Variants in UBQLN3 observed in about 807,000 individuals in gnomAD.
The protein encoded by UBQLN3 is ubiquilin 3, also known as ubiquilin-3.
Under a neutral mutation model 2.9 loss-of-function variants are expected in UBQLN3, and 1 was observed. The observed-to-expected ratio is 0.35, with a 90% CI of 0.12 to 1.66. The LOEUF (loss-of-function observed/expected upper bound fraction) is 1.66. Ranked by LOEUF, UBQLN3 falls within the 40% of genes most tolerant of loss-of-function variation. The pLI is 0.35. For synonymous variants in UBQLN3, 358 were observed against 317.6 expected (o/e 1.13, Z -1.35); for missense variants, 924 against 816.5 (o/e 1.13, Z -1.61).
chr11:5,508,335 G>A lies in UBQLN3; in HGVS notation c.1224C>T (p.Ser408=), dbSNP rs899803218. 4 of 1,608,990 alleles carry A rather than the reference G, an allele frequency of 2.5e-6. No individual in the cohort carries two copies. In the African/African-American group the frequency reaches 4.0e-5, roughly 16 times the overall value. ...EESVAIKGRS[S]CPAFLRYPTE... ...TGGGGTATCTCAGGAAAGCTGGGCA[G>A]GAGGACCTTCCCTTGATTGCTACTG... is the stretch of plus-strand genomic sequence containing the variant. Residue 408 remains serine, a synonymous_variant, in exon 2 of 2, where the codon TCC becomes TCT. Coordinates refer to ENST00000311659, the MANE Select transcript of UBQLN3 (RefSeq NM_017481.4). The surrounding 1 kb of genome is among the most constrained non-coding windows in gnomAD (Gnocchi z 4.2).
rs973169085 is a variant in UBQLN3 at position 5,507,336 on chromosome 11, T to C, written c.*255A>G. ...AATTGGGTGTAATTGCATCTCAAGA[T>C]AGGCATAAGCAGAGCTTAGACTGGG... On this transcript the variant is annotated 3_prime_UTR_variant, in exon 2 of 2. Coordinates refer to ENST00000311659, the MANE Select transcript of UBQLN3 (RefSeq NM_017481.4). 9.1e-6 allele frequency: 4 copies of C among 439,626 alleles called. No individual in the cohort carries two copies. Among genetic ancestry groups the C allele is most frequent in the African/African-American group, 6.0e-5 (3 of 49,902 alleles). The allele number at this position is 439,626 out of a possible 1,614,324, so 27.2% of individuals were successfully genotyped here.
rs990729069 is a variant in UBQLN3, at chr11:5,507,306, T to G, written c.*285A>C. ...AATGAGACTCAGGCAAGAGTTCACA[T>G]TGGAAATTGGGTGTAATTGCATCTC... On this transcript the variant is annotated 3_prime_UTR_variant, in exon 2 of 2. Transcript: ENST00000311659. 1.6e-5 allele frequency: 5 copies of G among 320,620 alleles called. No homozygotes were observed. Among genetic ancestry groups the G allele is most frequent in the East Asian group, 5.9e-5 (1 of 17,010 alleles). 19.9% of individuals were successfully genotyped at this position (320,620 alleles called of 1,614,324 possible). A position where few individuals can be genotyped will look rare whatever the true frequency, so the allele number is the denominator to read the frequency against.
chr11:5,507,932 G>C lies in UBQLN3; in HGVS notation c.1627C>G (p.Leu543Val). 1 of 1,613,962 alleles carries C rather than the reference G, an allele frequency of 6.2e-7. No individual in the cohort carries two copies. The highest frequency in any genetic ancestry group is 8.5e-7 in the Non-Finnish European group (1 of 1,180,028). Residue 543 changes from leucine (L) to valine (V), a missense_variant, in exon 2 of 2, where the codon CTC (leucine) becomes GTC (valine). By Grantham distance (32) the Leu-to-Val change is conservative (BLOSUM62 1). Transcript: ENST00000311659. ...CCTGCTAGGCAAGGCATGAACCAGAGTAGGAGGCGAGGTGCTTCAGTAGCT... is the reference window on the plus strand; with the variant it reads ...CCTGCTAGGCAAGGCATGAACCAGACTAGGAGGCGAGGTGCTTCAGTAGCT... ...VLATEAPRLL[L>V]WFMPCLAGTG...
Position 5,507,651 on chromosome 11 carries a change from C to G in UBQLN3, c.1908G>C (p.Gln636His). ...MGFLNREANL[Q>H]ALIATGGDVD... Reference sequence around the variant, plus strand: ...CGTCGCCCCCCGTAGCAATGAGGGCCTGAAGATTGGCTTCACGATTCAGAA... The same window carrying G: ...CGTCGCCCCCCGTAGCAATGAGGGCGTGAAGATTGGCTTCACGATTCAGAA... The change falls in exon 2 of 2, where the codon CAG becomes CAC. Residue 636 changes from glutamine (Q) to histidine (H), a missense_variant. Transcript: ENST00000311659. 6.2e-7 allele frequency: 1 copy of G among 1,614,088 alleles called. No individual in the cohort carries two copies. The highest frequency in any genetic ancestry group is 1.3e-5 in the African/African-American group (1 of 75,050).
chr11:5,509,703 G>T lies in UBQLN3; in HGVS notation c.-36-109C>A, dbSNP rs554731547. ...ATATCAGGATAGGGAAATCTGCAGG[G>T]TCTACATGAAAGGGGCCATGAGGTT... On this transcript the variant is annotated intron_variant, in intron 1 of 1. Transcript: ENST00000311659. 1.5e-4 allele frequency: 206 copies of T among 1,363,824 alleles called. 1 individual carries two copies. The South Asian group carries it at 3.0e-3, about 20-fold the overall frequency. The allele number at this position is 1,363,824 out of a possible 1,614,324, so 84.5% of individuals were successfully genotyped here. A position where few individuals can be genotyped will look rare whatever the true frequency, so the allele number is the denominator to read the frequency against.
chr11:5,509,506 T>C lies in UBQLN3; in HGVS notation c.53A>G (p.Asp18Gly), dbSNP rs146697417. The change falls in exon 2 of 2, where the codon GAT (aspartate) becomes GGT (glycine). Residue 18 changes from aspartate to glycine, a missense_variant. Coordinates refer to ENST00000311659, the MANE Select transcript of UBQLN3 (RefSeq NM_017481.4). ...LPQGSPAPVQ[D>G]PHLIKVTVKT... The stretch of plus-strand genomic sequence containing the variant: ...CACTGTCACCTTGATGAGGTGGGGA[T>C]CCTGGACTGGTGCTGGGCTGCCCTG... 1.2e-6 allele frequency: 2 copies of C among 1,614,242 alleles called. No homozygotes were observed. Among genetic ancestry groups the C allele is most frequent in the African/African-American group, 2.7e-5 (2 of 75,074 alleles).
chr11:5,509,592 C>A lies in UBQLN3; in HGVS notation c.-34G>T, dbSNP rs377195213. 5 of 1,588,690 alleles carry A rather than the reference C, an allele frequency of 3.1e-6. No homozygotes were observed. Among genetic ancestry groups the A allele is most frequent in the Non-Finnish European group, 4.3e-6 (5 of 1,169,258 alleles). Reference sequence around the variant, plus strand: ...CAGGAGGCCCAGATCTGTGGGGACACAGCTAGGGGCATGGGGATTGGAGAC... The same window carrying A: ...CAGGAGGCCCAGATCTGTGGGGACAAAGCTAGGGGCATGGGGATTGGAGAC... On this transcript the variant is annotated splice_region_variant and 5_prime_UTR_variant, in exon 2 of 2. Transcript: ENST00000311659.
At chr11:5,509,685 G>T (rs1846445179) in intron 1 of UBQLN3, 91 bp from the exon 2 acceptor site, 1 of 1,425,628 alleles carries the variant, frequency 7.0e-7, no homozygotes, top group Non-Finnish European at 9.2e-7. Flanking sequence ...TGAATATCAG[G>T]ATAGGGAAAT....
Position 5,507,526 on chromosome 11 carries a change from G to T in UBQLN3, c.*65C>A, listed in dbSNP as rs1469010347. On this transcript the variant is annotated 3_prime_UTR_variant, in exon 2 of 2. Transcript: ENST00000311659. ...TGCAGCTGTATTCAAAAATGGGAGA[G>T]CTAGGGAACTAGGATATGGGAAAAA... 6.6e-7 allele frequency: 1 copy of T among 1,518,792 alleles called. No individual in the cohort carries two copies. The highest frequency in any genetic ancestry group is 1.4e-5 in the African/African-American group (1 of 71,800). 94.1% of individuals were successfully genotyped at this position (1,518,792 alleles called of 1,614,324 possible).
Position 5,508,482 on chromosome 11 carries a change from A to G in UBQLN3, c.1077T>C (p.Tyr359=). 3 of 1,613,694 alleles carry G rather than the reference A, an allele frequency of 1.9e-6. No individual in the cohort carries two copies. The highest frequency in any genetic ancestry group is 2.2e-5 in the East Asian group (1 of 44,862). ...TGAGGGCAGATGCAGTCCCCTGTAG[A>G]TAAGTTCCTAGGGACTGGGGGTTCT... is the stretch of plus-strand genomic sequence containing the variant. ...LHENPQSLGT[Y]LQGTASALSQ... is the part of the protein sequence containing the mutation. Residue 359 remains tyrosine (Y), a synonymous_variant, in exon 2 of 2, where the codon TAT becomes TAC. Transcript: ENST00000311659. The surrounding 1 kb of genome is among the most constrained non-coding windows in gnomAD (Gnocchi z 4.2).
rs2234455 is a variant in UBQLN3 at position 5,507,922 on chromosome 11, A to G, written c.1637T>C (p.Met546Thr). The change falls in exon 2 of 2, where the codon ATG becomes ACG. Residue 546 changes from methionine to threonine, a missense_variant. Coordinates refer to ENST00000311659, the MANE Select transcript of UBQLN3 (RefSeq NM_017481.4). ...ACTACCCGTCCCTGCTAGGCAAGGCATGAACCAGAGTAGGAGGCGAGGTGC... is the reference window on the plus strand; with the variant it reads ...ACTACCCGTCCCTGCTAGGCAAGGCGTGAACCAGAGTAGGAGGCGAGGTGC... ...TEAPRLLLWF[M>T]PCLAGTGSVA... 291,831 of 1,613,842 alleles carry G rather than the reference A, an allele frequency of 0.18. 28,418 individuals are homozygous for G. Among genetic ancestry groups the G allele is most frequent in the Admixed American group, 0.29 (17,138 of 60,010 alleles).
rs1846445642 is a variant in UBQLN3, at chr11:5,509,718, G to T, written c.-36-124C>A. ...AATCTGCAGGGTCTACATGAAAGGGGCCATGAGGTTTCTGGGGCAGGATGC... is the reference window on the plus strand; with the variant it reads ...AATCTGCAGGGTCTACATGAAAGGGTCCATGAGGTTTCTGGGGCAGGATGC... On this transcript the variant is annotated intron_variant, in intron 1 of 1. Coordinates refer to ENST00000311659, the MANE Select transcript of UBQLN3 (RefSeq NM_017481.4). 4.8e-6 allele frequency: 6 copies of T among 1,244,948 alleles called. No individual in the cohort carries two copies. The South Asian group carries it at 9.7e-5, about 20-fold the overall frequency. The allele number at this position is 1,244,948 out of a possible 1,614,324, so 77.1% of individuals were successfully genotyped here. A position where few individuals can be genotyped will look rare whatever the true frequency, so the allele number is the denominator to read the frequency against.
At position 5,507,707 on chromosome 11, in the gene UBQLN3, C is replaced by A. The variant is rs199901124; in HGVS notation, c.1852G>T (p.Val618Leu). The change falls in exon 2 of 2, where the codon GTG (valine) becomes TTG (leucine). Residue 618 changes from valine (V) to leucine (L), a missense_variant. Coordinates refer to ENST00000311659, the MANE Select transcript of UBQLN3 (RefSeq NM_017481.4). ...ATGGACCGCAGTTGCTCCAGCTGCA[C>A]CTGAAAGTGAGCCTCAGGCTGCAGC... ...QQLQPEAHFQ[V>L]QLEQLRSMGF... The A allele has an allele frequency of 1.2e-6, 2 of 1,613,904 alleles. No individual in the cohort carries two copies. Among genetic ancestry groups the A allele is most frequent in the South Asian group, 1.1e-5 (1 of 91,084 alleles).
Position 5,507,479 on chromosome 11 carries a change from T to G in UBQLN3, c.*112A>C. The G allele has an allele frequency of 6.7e-7, 1 of 1,501,148 alleles. No homozygotes were observed. The highest frequency in any genetic ancestry group is 8.9e-7 in the Non-Finnish European group (1 of 1,126,596). 93.0% of individuals were successfully genotyped at this position (1,501,148 alleles called of 1,614,324 possible). A position where few individuals can be genotyped will look rare whatever the true frequency, so the allele number is the denominator to read the frequency against. On this transcript the variant is annotated 3_prime_UTR_variant, in exon 2 of 2. Coordinates refer to ENST00000311659, the MANE Select transcript of UBQLN3 (RefSeq NM_017481.4). The stretch of plus-strand genomic sequence containing the variant: ...AACATTGCCTCCACAGCAAAGGACT[T>G]CATAGTAAATTTGGTTTATAATGCA...
rs775081360 is a variant in UBQLN3 at position 5,509,553 on chromosome 11, G to A, written c.6C>T (p.Ala2=). M[A]KGGEALPQGS... ...CCTGTGGCAGGGCTTCTCCACCTTTGGCCATGGTGGCAGCAGGAGGCCCAG... is the reference window on the plus strand; with the variant it reads ...CCTGTGGCAGGGCTTCTCCACCTTTAGCCATGGTGGCAGCAGGAGGCCCAG... Residue 2 remains alanine (A), a synonymous_variant, in exon 2 of 2, where the codon GCC becomes GCT. Transcript: ENST00000311659. The A allele has an allele frequency of 1.4e-5, 23 of 1,612,202 alleles. No homozygotes were observed. In the South Asian group the frequency reaches 2.4e-4, roughly 17 times the overall value.
Position 5,509,363 on chromosome 11 carries a change from C to G in UBQLN3, c.196G>C (p.Ala66Pro). ...AHPDQLVLIF[A>P]GKILKDPDSL... Reference sequence around the variant, plus strand: ...TCAGGATCCTTGAGGATTTTGCCAGCAAAGATTAGAACAAGCTGATCGGGG... The same window carrying G: ...TCAGGATCCTTGAGGATTTTGCCAGGAAAGATTAGAACAAGCTGATCGGGG... The change falls in exon 2 of 2, where the codon GCT becomes CCT. Residue 66 changes from alanine to proline, a missense_variant. Ala to Pro is a conservative substitution (Grantham distance 27, BLOSUM62 -1). Coordinates refer to ENST00000311659, the MANE Select transcript of UBQLN3 (RefSeq NM_017481.4). The G allele has an allele frequency of 6.2e-7, 1 of 1,614,150 alleles. No individual in the cohort carries two copies. Among genetic ancestry groups the G allele is most frequent in the East Asian group, 2.2e-5 (1 of 44,884 alleles).
At position 5,508,321 on chromosome 11, in the gene UBQLN3, A is replaced by T. The variant is rs764619503; in HGVS notation, c.1238T>A (p.Leu413Gln). Residue 413 changes from leucine to glutamine, a missense_variant, in exon 2 of 2, where the codon CTG becomes CAG. Coordinates refer to ENST00000311659, the MANE Select transcript of UBQLN3 (RefSeq NM_017481.4). The surrounding 1 kb of genome is among the most constrained non-coding windows in gnomAD (Gnocchi z 4.2). ...AGTACTGTTCTCTGTGGGGTATCTC[A>T]GGAAAGCTGGGCAGGAGGACCTTCC... ...IKGRSSCPAF[L>Q]RYPTENSTGQ... 1.2e-6 allele frequency: 2 copies of T among 1,608,776 alleles called. No homozygotes were observed. The highest frequency in any genetic ancestry group is 1.7e-6 in the Non-Finnish European group (2 of 1,175,974).
At chr11:5,509,700 A>G in intron 1 of UBQLN3, 106 bp from the exon 2 acceptor site, 1 of 1,376,688 alleles carries the variant, frequency 7.3e-7, no homozygotes, top group Non-Finnish European at 9.6e-7. Flanking sequence ...GGAAATCTGC[A>G]GGGTCTACAT....
Position 5,508,437 on chromosome 11 carries a change from T to C in UBQLN3, c.1122A>G (p.Pro374=). Residue 374 remains proline, a synonymous_variant, in exon 2 of 2, where the codon CCA becomes CCG. Coordinates refer to ENST00000311659, the MANE Select transcript of UBQLN3 (RefSeq NM_017481.4). The surrounding 1 kb of genome is among the most constrained non-coding windows in gnomAD (Gnocchi z 4.2). ...ASALSQSQEP[P]PSVNRVPPSS... is the part of the protein sequence containing the mutation. ...ATGGGGGAACTCTGTTTACTGATGGTGGTGGTTCCTGGCTTTGGCTGAGGG... is the reference window on the plus strand; with the variant it reads ...ATGGGGGAACTCTGTTTACTGATGGCGGTGGTTCCTGGCTTTGGCTGAGGG... 2 of 1,606,236 alleles carry C rather than the reference T, an allele frequency of 1.2e-6. No individual in the cohort carries two copies. The highest frequency in any genetic ancestry group is 1.7e-6 in the Non-Finnish European group (2 of 1,176,146).
Sources: allele counts gnomAD v4.1 joint callset, GRCh38; gene constraint gnomAD v4.1.1; non-coding constraint Gnocchi (gnomAD v3.1); transcripts MANE v1.5; gene names NCBI Gene and HGNC (gene_info 2026-07-23, HGNC 2026-07-21).